The following BICD1 variants were observed in gnomAD, a reference collection of about 807,000 sequenced individuals.
The protein encoded by BICD1 is BICD cargo adaptor 1.
In BICD1, 35 loss-of-function variants were observed where a neutral mutation model predicts 92.5. The ratio of observed to expected loss-of-function variants is 0.38; its 90% CI spans 0.29 to 0.50. The LOEUF is 0.50. BICD1 is among the 20% of genes least tolerant of loss of function. BICD1 has a pLI of 0.93. For missense variants in BICD1, 950 were observed against 1,189.8 expected (o/e 0.80, Z 2.97); for synonymous variants, 429 against 465.1 (o/e 0.92, Z 1.00).
chr12:32,359,775 T>C (rs1375100846), intron 8 of BICD1, among the ~76,000 whole-genome samples: 1 of 152,216 alleles, frequency 6.6e-6, no homozygotes. Flanking sequence ...ACCTTTTTTA[T>C]AGACAGTCTT....
intron 8 of BICD1, among the ~76,000 whole-genome samples, chr12:32,361,573 GAA>G (rs1939328590): frequency 6.7e-6 from 1 of 150,186 alleles, no homozygotes. Context: ...AAAAAAGAAA[GAA>G]AGATAAGAAA....
At chr12:32,204,032 C>T (rs144607996) in intron 1 of BICD1, among the ~76,000 whole-genome samples, 2 of 152,084 alleles carry the variant, frequency 1.3e-5, no homozygotes, top group African/African-American at 2.4e-5. Context: ...TGAACAAAAG[C>T]CTTGAATAGA....
intron 8 of BICD1, among the ~76,000 whole-genome samples, chr12:32,362,203 T>C (rs1302922159): frequency 6.6e-6 from 1 of 152,120 alleles, no homozygotes; most frequent in Non-Finnish European, 1.5e-5. Context: ...CTACTAAAAT[T>C]ATAAAAATTG....
chr12:32,362,431 G>C (rs1939366111), intron 8 of BICD1, among the ~76,000 whole-genome samples: 1 of 152,186 alleles, frequency 6.6e-6, no homozygotes, highest in South Asian at 2.1e-4. Flanking sequence ...AGAAGCCCGA[G>C]AGAAAGCCAC....
intron 3 of BICD1, among the ~76,000 whole-genome samples, chr12:32,303,677 A>G (rs1948127623): frequency 6.6e-6 from 1 of 152,202 alleles, no homozygotes; most frequent in African/African-American, 2.4e-5. Context: ...TCTAGACTAG[A>G]AGGCTGTACA....
At chr12:32,260,693 C>T (rs1480133938) in intron 2 of BICD1, among the ~76,000 whole-genome samples, 1 of 150,244 alleles carries the variant, frequency 6.7e-6, no homozygotes, top group Non-Finnish European at 1.5e-5. Context: ...TCACAAACCA[C>T]TTCTGGGTCA....
At chr12:32,186,249 G>C (rs1038603337) in intron 1 of BICD1, among the ~76,000 whole-genome samples, 6 of 152,182 alleles carry the variant, frequency 3.9e-5, no homozygotes, top group African/African-American at 1.4e-4. Context: ...ACATTCAATA[G>C]TGAGGTGGCC....
At chr12:32,267,177 A>G (rs569119789) in intron 2 of BICD1, among the ~76,000 whole-genome samples, 1 of 152,282 alleles carries the variant, frequency 6.6e-6, no homozygotes, top group African/African-American at 2.4e-5. Context: ...TGATACTACT[A>G]TGTGTCTATC....
At chr12:32,151,559 C>G (rs1289602607) in intron 1 of BICD1, among the ~76,000 whole-genome samples, 1 of 152,214 alleles carries the variant, frequency 6.6e-6, no homozygotes, top group East Asian at 1.9e-4. Context: ...GTTATGTTCT[C>G]AGGCATCCCT....
At chr12:32,126,928 C>T (rs548735851) in intron 1 of BICD1, among the ~76,000 whole-genome samples, 1 of 152,318 alleles carries the variant, frequency 6.6e-6, no homozygotes, top group South Asian at 2.1e-4. Flanking sequence ...TCAGTATTTA[C>T]AGGCATTTAT....
intron 2 of BICD1, among the ~76,000 whole-genome samples, chr12:32,292,886 A>C (rs1179588011): frequency 6.6e-6 from 1 of 152,210 alleles, no homozygotes; most frequent in African/African-American, 2.4e-5. Flanking sequence ...TTATGTGGTC[A>C]TTATACATTT....
chr12:32,135,152 G>A (rs191047775), intron 1 of BICD1, among the ~76,000 whole-genome samples: 217 of 150,188 alleles, frequency 1.4e-3, no homozygotes, highest in Non-Finnish European at 2.5e-3. Flanking sequence ...GCAGTGGTGT[G>A]GTCTCAGTTC....
chr12:32,112,397 C>G (rs1028766688), intron 1 of BICD1, among the ~76,000 whole-genome samples: 4 of 152,170 alleles, frequency 2.6e-5, no homozygotes, highest in African/African-American at 4.8e-5. Flanking sequence ...TATCACATTC[C>G]CCATGTTTAT....
Position 32,249,617 on chromosome 12 carries a change from C to T in BICD1, c.426+33158C>T, listed in dbSNP as rs556482904. On this transcript the variant is annotated intron_variant, in intron 2 of 9. Transcript: ENST00000652176. The stretch of plus-strand genomic sequence containing the variant: ...AGCCTAAGTTAAAATGCTCTGGGTT[C>T]GGGAGTGTCTTCCTGGAGATCACTA... Among the ~76,000 whole-genome samples the T allele has an allele frequency of 4.0e-5, 6 of 151,386 alleles. No individual in the cohort carries two copies. The South Asian group carries it at 8.4e-4, about 21-fold the overall frequency.
intron 4 of BICD1, among the ~76,000 whole-genome samples, chr12:32,323,780 G>A (rs1326460921): frequency 6.6e-6 from 1 of 152,156 alleles, no homozygotes; most frequent in Non-Finnish European, 1.5e-5. Context: ...GTCTGGGACA[G>A]TAAAAAATGG....
intron 2 of BICD1, among the ~76,000 whole-genome samples, chr12:32,278,926 C>T (rs1214177530): frequency 2.0e-5 from 3 of 152,116 alleles, no homozygotes; most frequent in African/African-American, 7.2e-5. Flanking sequence ...TTTAAATGAT[C>T]ATGCTACTTT....
intron 3 of BICD1, among the ~76,000 whole-genome samples, chr12:32,299,806 C>T (rs2728795): frequency 0.099 from 15,007 of 152,146 alleles, 983 homozygotes; most frequent in Non-Finnish European, 0.15. Context: ...AGCAAGAGAT[C>T]GGGTCTTACA....
At chr12:32,119,743 C>T (rs1037147578) in intron 1 of BICD1, among the ~76,000 whole-genome samples, 3 of 152,110 alleles carry the variant, frequency 2.0e-5, no homozygotes, top group Non-Finnish European at 2.9e-5. Context: ...TGCTGGCATG[C>T]GCCTGTAGTC....
intron 2 of BICD1, among the ~76,000 whole-genome samples, chr12:32,253,146 G>A (rs187149763): frequency 2.6e-5 from 4 of 152,306 alleles, no homozygotes; most frequent in African/African-American, 9.6e-5. Flanking sequence ...GCCTCCCAAA[G>A]TGTTGGGATT....
Sources: allele counts gnomAD v4.1 joint callset (sites outside exome capture counted in the v4.1 genomes callset), GRCh38; gene constraint gnomAD v4.1.1; transcripts MANE v1.5; gene names NCBI Gene and HGNC (gene_info 2026-07-23, HGNC 2026-07-21).